Variants in ABR observed in about 807,000 individuals in gnomAD.
ABR encodes the protein ABR activator of RhoGEF and GTPase, also known as active breakpoint cluster region-related protein.
ABR carries 35 observed loss-of-function variants against 107.2 expected under a neutral mutation model. That is an observed-to-expected ratio of 0.33 (90% CI 0.25 to 0.43). The LOEUF (loss-of-function observed/expected upper bound fraction) is 0.43, where lower values mean the gene tolerates loss of function less well. ABR is among the 20% of genes least tolerant of loss of function. The probability of loss-of-function intolerance (pLI) is 1.00; values close to 1 mark genes in which losing one functional copy is unlikely to be tolerated. For synonymous variants in ABR, 498 were observed against 462.0 expected, an observed-to-expected ratio of 1.08 and a Z score of -1.00; for missense variants, 815 against 1,115.2, an observed-to-expected ratio of 0.73 and a Z score of 3.83.
Position 1,010,259 on chromosome 17 carries a change from T to G in ABR, c.2236+470A>C, listed in dbSNP as rs1323655451. ...TGAAGGGATTCCTTGGGGCTGGGTT[T>G]GGCCCAGGTGGGTGGAGGCGGAAGG... is the stretch of plus-strand genomic sequence containing the variant. On this transcript the variant is annotated intron_variant, in intron 20 of 22. Coordinates refer to ENST00000302538, the MANE Select transcript of ABR (RefSeq NM_021962.5). This position sits in a 1 kb window ranked among gnomAD's most constrained non-coding sequence, Gnocchi z 4.1. The G allele has an allele frequency of 9.0e-6, 2 of 223,326 alleles. No individual in the cohort carries two copies. The highest frequency in any genetic ancestry group is 2.0e-4 in the East Asian group (2 of 9,884). 13.8% of individuals were successfully genotyped at this position (223,326 alleles called of 1,614,324 possible). A position where few individuals can be genotyped will look rare whatever the true frequency, so the allele number is the denominator to read the frequency against.
intron 2 of ABR, among the ~76,000 whole-genome samples, chr17:1,122,082 T>C (rs940905575): frequency 5.3e-5 from 8 of 152,160 alleles, no homozygotes; most frequent in African/African-American, 1.9e-4. Flanking sequence ...TTTGTATTTT[T>C]AGTAGAGACA....
intron 1 of ABR, among the ~76,000 whole-genome samples, chr17:1,165,897 G>A (rs1419920232): frequency 2.0e-5 from 3 of 152,150 alleles, no homozygotes; most frequent in African/African-American, 2.4e-5. Context: ...AGTCCAGGGC[G>A]TAGACCCCCA....
intron 1 of ABR, among the ~76,000 whole-genome samples, chr17:1,133,982 G>A (rs2440046): frequency 6.6e-6 from 1 of 152,204 alleles, no homozygotes; most frequent in African/African-American, 2.4e-5. Flanking sequence ...ACCAGGAACA[G>A]GTCAAGAAAG....
intron 1 of ABR, chr17:1,153,878 G>A (rs542356190): frequency 1.9e-4 from 38 of 203,214 alleles, no homozygotes; most frequent in African/African-American, 6.2e-4. Context: ...AGAAAACCTC[G>A]CCCGGCAACC....
chr17:1,223,607 T>C (rs2043160018), intron 1 of ABR, among the ~76,000 whole-genome samples: 1 of 152,080 alleles, frequency 6.6e-6, no homozygotes, highest in Non-Finnish European at 1.5e-5. Flanking sequence ...CCTGTATTTG[T>C]CCGTGTTCAC....
chr17:1,013,142 G>A lies in ABR; in HGVS notation c.1814C>T (p.Thr605Ile), dbSNP rs1276620298. 6.2e-7 allele frequency: 1 copy of A among 1,614,046 alleles called. No homozygotes were observed. Among genetic ancestry groups the A allele is most frequent in the African/African-American group, 1.3e-5 (1 of 74,916 alleles). ...QIQLDPQTVETKNWHTDVIEM... is the reference protein window; with the variant it reads ...QIQLDPQTVEIKNWHTDVIEM... Reference sequence around the variant, plus strand: ...AATCACGTCCGTGTGCCAGTTCTTGGTCTCCACGGTTTGTGGGTCCAGCTG... The same window carrying A: ...AATCACGTCCGTGTGCCAGTTCTTGATCTCCACGGTTTGTGGGTCCAGCTG... Residue 605 changes from threonine (T) to isoleucine (I), a missense_variant, in exon 17 of 23, where the codon ACC becomes ATC. By Grantham distance (89) the Thr-to-Ile change is moderately conservative. Transcript: ENST00000302538.
At chr17:1,159,674 CGGT>C (rs2041206561) in intron 1 of ABR, among the ~76,000 whole-genome samples, 8 of 29,274 alleles carry the variant, frequency 2.7e-4, no homozygotes, top group East Asian at 8.8e-4. Context: ...AGTAAGAATG[CGGT>C]ACTCACACAC....
upstream of ABR, among the ~76,000 whole-genome samples, chr17:1,190,281 G>A (rs1481170536): frequency 6.6e-6 from 1 of 152,180 alleles, no homozygotes; most frequent in Non-Finnish European, 1.5e-5. Context: ...GCCCACTAAG[G>A]GAACTTCGGT....
At chr17:1,032,049 C>CCCGACCCCG (rs2150921731) in intron 16 of ABR, among the ~76,000 whole-genome samples, 1 of 152,010 alleles carries the variant, frequency 6.6e-6, no homozygotes, top group Admixed American at 6.5e-5. Context: ...GCTGCTCCTC[C>CCCGACCCCG]CCGACCCCGC....
chr17:1,046,988 G>A (rs1164218188), intron 16 of ABR, among the ~76,000 whole-genome samples: 5 of 152,240 alleles, frequency 3.3e-5, no homozygotes, highest in East Asian at 1.9e-4. Flanking sequence ...ACCCCACCCC[G>A]CCGCTGAGAC....
chr17:1,139,635 C>T (rs1045468772), intron 1 of ABR, among the ~76,000 whole-genome samples: 8 of 152,064 alleles, frequency 5.3e-5, no homozygotes, highest in Non-Finnish European at 1.2e-4. Flanking sequence ...AAATTTCTGC[C>T]TCCGTACCAT....
chr17:1,165,496 TC>T (rs778936165), intron 1 of ABR, among the ~76,000 whole-genome samples: 8 of 152,228 alleles, frequency 5.3e-5, no homozygotes, highest in Non-Finnish European at 1.2e-4. Context: ...CCTCAGGAAG[TC>T]CTGAAATAGT....
At chr17:1,216,184 A>C (rs537395636) in intron 1 of ABR, among the ~76,000 whole-genome samples, 7 of 152,226 alleles carry the variant, frequency 4.6e-5, no homozygotes, top group African/African-American at 1.7e-4. Context: ...ATACTAAAAA[A>C]AAAAAGAAAG....
intron 6 of ABR, among the ~76,000 whole-genome samples, 182 bp from the exon 7 acceptor site, chr17:1,073,859 GAC>G (rs1181828141): frequency 6.6e-6 from 1 of 151,918 alleles, no homozygotes; most frequent in Non-Finnish European, 1.5e-5. Flanking sequence ...CCAAACAGCA[GAC>G]ACAGGTGACA....
intron 1 of ABR, among the ~76,000 whole-genome samples, chr17:1,147,356 T>G (rs1477290578): frequency 3.7e-5 from 5 of 135,764 alleles, no homozygotes; most frequent in Admixed American, 1.6e-4. Flanking sequence ...TTGTGGGGGG[T>G]TTTGGTTGTT....
At chr17:1,068,421 C>T (rs1402860677) in intron 9 of ABR, among the ~76,000 whole-genome samples, 2 of 152,024 alleles carry the variant, frequency 1.3e-5, no homozygotes, top group East Asian at 3.9e-4. Flanking sequence ...AACACACTGG[C>T]TGTGGAGTCC....
chr17:1,039,983 T>G (rs760579861), intron 16 of ABR, among the ~76,000 whole-genome samples: 3 of 152,128 alleles, frequency 2.0e-5, no homozygotes, highest in Non-Finnish European at 2.9e-5. Context: ...GGGAAAGGCC[T>G]GTGTTCCTTC....
At chr17:1,063,336 C>G (rs2034281286) in intron 10 of ABR, among the ~76,000 whole-genome samples, 1 of 126,606 alleles carries the variant, frequency 7.9e-6, no homozygotes, top group African/African-American at 2.9e-5. Flanking sequence ...GCATGTTCCT[C>G]TAGACACTGT....
intron 1 of ABR, among the ~76,000 whole-genome samples, chr17:1,147,805 C>A (rs1045032851): frequency 4.8e-4 from 73 of 152,342 alleles, no homozygotes; most frequent in African/African-American, 1.5e-3. Flanking sequence ...GTCCTTTCTC[C>A]TAACCCCACC....
Sources: allele counts gnomAD v4.1 joint callset (sites outside exome capture counted in the v4.1 genomes callset), GRCh38; gene constraint gnomAD v4.1.1; non-coding constraint Gnocchi (gnomAD v3.1); transcripts MANE v1.5; gene names NCBI Gene and HGNC (gene_info 2026-07-23, HGNC 2026-07-21).